ECT2L: variants seen among roughly 807,000 people sequenced by gnomAD.
ECT2L encodes epithelial cell transforming 2 like.
Under a neutral mutation model 122.8 loss-of-function variants are expected in ECT2L, and 126 were observed. The ratio of observed to expected loss-of-function variants is 1.03; its 90% confidence interval spans 0.89 to 1.19. The LOEUF (loss-of-function observed/expected upper bound fraction) is 1.19. Ranked by LOEUF, ECT2L falls within the 50% of genes most tolerant of loss-of-function variation. The probability of loss-of-function intolerance (pLI) is 0.00; values close to 1 mark genes in which losing one functional copy is unlikely to be tolerated. For missense variants in ECT2L, 1,012 were observed against 1,064.1 expected (o/e 0.95, Z 0.68); for synonymous variants, 385 against 381.8 (o/e 1.01, Z -0.10).
chr6:138,859,348 C>G (rs1207521127), intron 10 of ECT2L, among the ~76,000 whole-genome samples: 1 of 152,198 alleles, frequency 6.6e-6, no homozygotes, highest in Non-Finnish European at 1.5e-5. Flanking sequence ...TCTGCTTTTA[C>G]AAATAAAGCT....
chr6:138,893,413 A>T (rs1188839), intron 20 of ECT2L, among the ~76,000 whole-genome samples: 64,030 of 148,248 alleles, frequency 0.43, 15,226 homozygotes, highest in Non-Finnish European at 0.54. Flanking sequence ...ATATATATAT[A>T]TTTTTTTATT....
chr6:138,865,133 C>G lies in ECT2L; in HGVS notation c.1429C>G (p.Pro477Ala), dbSNP rs746185145. The G allele has an allele frequency of 1.2e-6, 2 of 1,613,840 alleles. No individual in the cohort carries two copies. Among genetic ancestry groups the G allele is most frequent in the Non-Finnish European group, 1.7e-6 (2 of 1,179,838 alleles). ...TLKTVRKQLY[P>A]FFKELQKSIS... ...GAAAACAGTAAGGAAGCAGCTGTATCCTTTCTTCAAGGAACTGCAGAAGAG... is the reference window on the plus strand; with the variant it reads ...GAAAACAGTAAGGAAGCAGCTGTATGCTTTCTTCAAGGAACTGCAGAAGAG... The change falls in exon 12 of 22, where the codon CCT (proline) becomes GCT (alanine). Residue 477 changes from proline to alanine, a missense_variant. Coordinates refer to ENST00000541398, the MANE Select transcript of ECT2L (RefSeq NM_001077706.3).
Position 138,864,002 on chromosome 6 carries a change from T to TAAAAAAAAAA in ECT2L, c.1292-976_1292-967dup, listed in dbSNP as rs1172466449. On this transcript the variant is annotated intron_variant, in intron 11 of 21. Coordinates refer to ENST00000541398, the MANE Select transcript of ECT2L (RefSeq NM_001077706.3). ...CTCTCTTGTTCTCATTCTCCGTATT[T>TAAAAAAAAAA]AAAAAAAAAAAAAAAAAAAAAAAAA... 2.0e-3 allele frequency among the ~76,000 whole-genome samples: 112 copies of TAAAAAAAAAA among 55,868 alleles called. 18 individuals carry two copies. The highest frequency in any genetic ancestry group is 8.5e-3 in the African/African-American group (109 of 12,772). 36.7% of individuals were successfully genotyped at this position (55,868 alleles called of 152,430 possible).
chr6:138,830,726 A>C (rs1034878522), intron 4 of ECT2L, among the ~76,000 whole-genome samples: 3 of 151,472 alleles, frequency 2.0e-5, no homozygotes, highest in South Asian at 2.1e-4. Flanking sequence ...GCTTCCTCCT[A>C]CCTCTCGGTC....
At chr6:138,896,472 C>T (rs1250413937) in intron 20 of ECT2L, among the ~76,000 whole-genome samples, 1 of 152,166 alleles carries the variant, frequency 6.6e-6, no homozygotes, top group Admixed American at 6.5e-5. Context: ...AACTATGCAA[C>T]AGAGAAAATG....
At chr6:138,885,022 C>CTTTTT (rs34579502) in intron 16 of ECT2L, among the ~76,000 whole-genome samples, 172 of 78,868 alleles carry the variant, frequency 2.2e-3, no homozygotes, top group Middle Eastern at 8.5e-3. Flanking sequence ...AACACACATT[C>CTTTTT]TTTTTTTTTT....
intron 20 of ECT2L, among the ~76,000 whole-genome samples, chr6:138,896,234 GCTTA>G (rs1246170139): frequency 6.6e-6 from 1 of 151,744 alleles, no homozygotes; most frequent in Non-Finnish European, 1.5e-5. Context: ...CGTGGCCAAA[GCTTA>G]CTGATTTTTA....
At chr6:138,834,872 G>A (rs1001877025) in intron 4 of ECT2L, among the ~76,000 whole-genome samples, 3 of 148,732 alleles carry the variant, frequency 2.0e-5, no homozygotes, top group African/African-American at 5.0e-5. Flanking sequence ...GTACAGGCCC[G>A]GCTCCATTCT....
chr6:138,801,479 C>T (rs1775540269), intron 1 of ECT2L, among the ~76,000 whole-genome samples: 1 of 152,260 alleles, frequency 6.6e-6, no homozygotes, highest in African/African-American at 2.4e-5. Flanking sequence ...AGGCCAGGTG[C>T]GGTGGCCCAC....
At chr6:138,837,989 C>A (rs1562466162) in intron 4 of ECT2L, among the ~76,000 whole-genome samples, 1 of 151,452 alleles carries the variant, frequency 6.6e-6, no homozygotes, top group Non-Finnish European at 1.5e-5. Flanking sequence ...CAACCTCAGT[C>A]TCCTGGGTTC....
Position 138,854,232 on chromosome 6 carries a change from CT to C in ECT2L, c.1198+79del, listed in dbSNP as rs902057820. On this transcript the variant is annotated intron_variant, in intron 10 of 21. Coordinates refer to ENST00000541398, the MANE Select transcript of ECT2L (RefSeq NM_001077706.3). Reference sequence around the variant, plus strand: ...TATGTTGTGAATTATTGAAGTGCCCCTGGGTCAAATGATTCAGTCACATTTC... The same window carrying C: ...TATGTTGTGAATTATTGAAGTGCCCCGGGTCAAATGATTCAGTCACATTTC... 1.2e-5 allele frequency: 18 copies of C among 1,443,426 alleles called. No individual in the cohort carries two copies. The African/African-American group carries it at 2.5e-4, about 20-fold the overall frequency. 89.4% of individuals were successfully genotyped at this position (1,443,426 alleles called of 1,614,324 possible).
chr6:138,862,580 T>C (rs762220728), intron 10 of ECT2L, 47 bp from the exon 11 acceptor site: 26 of 1,553,954 alleles, frequency 1.7e-5, no homozygotes, highest in African/African-American at 2.7e-5. Context: ...TGATCTTCCA[T>C]GGCAAAATAT....
rs1775939009 is a variant in ECT2L at position 138,812,628 on chromosome 6, A to G, written c.-243-210A>G. Among the ~76,000 whole-genome samples, 5 of 152,172 alleles carry G rather than the reference A, an allele frequency of 3.3e-5. No homozygotes were observed. The South Asian group carries it at 1.0e-3, about 32-fold the overall frequency. On this transcript the variant is annotated intron_variant, in intron 1 of 21. Coordinates refer to ENST00000541398, the MANE Select transcript of ECT2L (RefSeq NM_001077706.3). ...GAGACCAGCCTGGCCAACATGGTGAAACCTTGTCTCTATTAAAAATACAAA... is the reference window on the plus strand; with the variant it reads ...GAGACCAGCCTGGCCAACATGGTGAGACCTTGTCTCTATTAAAAATACAAA...
At position 138,844,968 on chromosome 6, in the gene ECT2L, G is replaced by C. The variant is rs560456427; in HGVS notation, c.764+388G>C. Reference sequence around the variant, plus strand: ...TCTGCATTGAAGCTATATTGTGGATGTAGTATATTTTCTGTATTAAGTTAC... The same window carrying C: ...TCTGCATTGAAGCTATATTGTGGATCTAGTATATTTTCTGTATTAAGTTAC... On this transcript the variant is annotated intron_variant, in intron 7 of 21. Transcript: ENST00000541398. 2.6e-5 allele frequency among the ~76,000 whole-genome samples: 4 copies of C among 152,036 alleles called. No individual in the cohort carries two copies. In the South Asian group the frequency reaches 8.3e-4, roughly 32 times the overall value.
intron 4 of ECT2L, among the ~76,000 whole-genome samples, chr6:138,817,039 G>A (rs892369945): frequency 5.3e-5 from 8 of 152,138 alleles, no homozygotes; most frequent in Admixed American, 5.2e-4. Context: ...CGTATAAATG[G>A]AATTAGACAG....
At chr6:138,849,552 G>T in intron 9 of ECT2L, 118 bp downstream of exon 9, 2 of 1,113,268 alleles carry the variant, frequency 1.8e-6, no homozygotes, top group Non-Finnish European at 1.2e-6. Flanking sequence ...TTGATTTTTT[G>T]GCTTTATGAA....
chr6:138,851,067 T>C (rs1777433213), intron 9 of ECT2L, among the ~76,000 whole-genome samples: 1 of 150,918 alleles, frequency 6.6e-6, no homozygotes, highest in African/African-American at 2.4e-5. Flanking sequence ...CTCGATGCTG[T>C]TTTCCATAGC....
At chr6:138,826,817 G>T (rs1919690) in intron 4 of ECT2L, among the ~76,000 whole-genome samples, 42,033 of 151,774 alleles carry the variant, frequency 0.28, 6,082 homozygotes, top group South Asian at 0.43. Context: ...TGCTGTCTTC[G>T]TGATAGTGAG....
At chr6:138,841,194 T>C (rs1422329590) in intron 5 of ECT2L, among the ~76,000 whole-genome samples, 5 of 152,222 alleles carry the variant, frequency 3.3e-5, no homozygotes, top group Non-Finnish European at 7.3e-5. Flanking sequence ...TCATGTCTGA[T>C]GATTACAATA....
Sources: allele counts gnomAD v4.1 joint callset (sites outside exome capture counted in the v4.1 genomes callset), GRCh38; gene constraint gnomAD v4.1.1; transcripts MANE v1.5; gene names NCBI Gene and HGNC (gene_info 2026-07-23, HGNC 2026-07-21).